The following ARHGAP26 variants were observed in gnomAD, a reference collection of about 807,000 sequenced individuals.
ARHGAP26 encodes Rho GTPase activating protein 26, also known as rho GTPase-activating protein 26.
A neutral mutation model predicts 104.8 loss-of-function variants in ARHGAP26; 38 were observed. The observed-to-expected ratio is 0.36, with a 90% CI of 0.28 to 0.48. ARHGAP26 has a LOEUF of 0.48. Ranked by LOEUF, ARHGAP26 falls within the 20% of genes least tolerant of loss-of-function variation. The pLI is 0.99. For synonymous variants in ARHGAP26, 341 were observed against 340.0 expected (o/e 1.00, Z -0.03); for missense variants, 704 against 947.9 (o/e 0.74, Z 3.38).
At chr5:143,006,500 A>T (rs1436015143) in intron 11 of ARHGAP26, among the ~76,000 whole-genome samples, 1 of 152,044 alleles carries the variant, frequency 6.6e-6, no homozygotes, top group African/African-American at 2.4e-5. Context: ...GCCATCAACT[A>T]TATTTTTATT....
intron 20 of ARHGAP26, 46 bp downstream of exon 20, chr5:143,147,427 C>G (rs1562507306): frequency 6.3e-7 from 1 of 1,582,678 alleles, no homozygotes; most frequent in African/African-American, 1.4e-5. Context: ...CTTTGGTCAG[C>G]CATTCCACCT....
At chr5:142,854,384 G>C (rs1597919529) in intron 1 of ARHGAP26, among the ~76,000 whole-genome samples, 1 of 152,164 alleles carries the variant, frequency 6.6e-6, no homozygotes, top group East Asian at 1.9e-4. Context: ...AGTGTTTATA[G>C]TGTGTATTTG....
chr5:142,953,485 C>T (rs1768715479), intron 11 of ARHGAP26, among the ~76,000 whole-genome samples: 1 of 152,148 alleles, frequency 6.6e-6, no homozygotes, highest in East Asian at 1.9e-4. Context: ...TGTGGTCCAT[C>T]GTAGCTGGAG....
chr5:143,048,573 T>C (rs1784543999), intron 14 of ARHGAP26, among the ~76,000 whole-genome samples: 2 of 152,006 alleles, frequency 1.3e-5, no homozygotes, highest in South Asian at 2.1e-4. Context: ...TTTTAAATTT[T>C]TATGATGTCC....
At chr5:142,870,421 G>A (rs1182632980) in intron 1 of ARHGAP26, among the ~76,000 whole-genome samples, 6 of 152,144 alleles carry the variant, frequency 3.9e-5, no homozygotes, top group African/African-American at 1.4e-4. Flanking sequence ...AACATAGAGG[G>A]TTTACCTTAA....
chr5:142,878,433 A>T (rs1011602834), intron 3 of ARHGAP26, among the ~76,000 whole-genome samples: 7 of 152,154 alleles, frequency 4.6e-5, no homozygotes, highest in African/African-American at 1.7e-4. Context: ...TTAGTCGTTC[A>T]AATATGTTTG....
At chr5:142,989,672 A>G (rs1030193232) in intron 11 of ARHGAP26, among the ~76,000 whole-genome samples, 4 of 152,096 alleles carry the variant, frequency 2.6e-5, no homozygotes, top group South Asian at 2.1e-4. Flanking sequence ...ATCTCTCAGC[A>G]TTTGCTTGTC....
intron 4 of ARHGAP26, among the ~76,000 whole-genome samples, chr5:142,884,122 G>A (rs78342603): frequency 5.3e-5 from 8 of 152,314 alleles, no homozygotes; most frequent in African/African-American, 1.4e-4. Flanking sequence ...ATTTGATCCC[G>A]TTTATCAGCC....
At chr5:142,908,965 T>A (rs1761480934) in intron 9 of ARHGAP26, 1 of 165,470 alleles carries the variant, frequency 6.0e-6, no homozygotes, top group African/African-American at 2.4e-5. Context: ...CTCCTATGCT[T>A]TATTTTCTTC....
intron 17 of ARHGAP26, among the ~76,000 whole-genome samples, chr5:143,087,950 A>G (rs894892488): frequency 3.3e-4 from 50 of 152,228 alleles, no homozygotes; most frequent in African/African-American, 1.1e-3. Context: ...CGCCTGGCCT[A>G]TCCTGGCCCA....
At chr5:142,893,942 T>G (rs191135581) in intron 5 of ARHGAP26, among the ~76,000 whole-genome samples, 1,841 of 131,132 alleles carry the variant, frequency 0.014, 36 homozygotes, top group African/African-American at 0.049. Flanking sequence ...TATTTGTGGG[T>G]TTTTTTTTTT....
intron 1 of ARHGAP26, among the ~76,000 whole-genome samples, chr5:142,793,407 T>C (rs940278243): frequency 6.6e-6 from 1 of 151,614 alleles, no homozygotes; most frequent in Non-Finnish European, 1.5e-5. Context: ...GATCACTTGG[T>C]GTTAAATTAG....
chr5:143,228,127 C>A lies in ARHGAP26; in HGVS notation c.*5681C>A. Reference sequence around the variant, plus strand: ...GACATTCTATACTGTTCTACGTCAACCATTTCTACAAAGTTGTCCAGACAC... The same window carrying A: ...GACATTCTATACTGTTCTACGTCAAACATTTCTACAAAGTTGTCCAGACAC... On this transcript the variant is annotated 3_prime_UTR_variant, in exon 23 of 23. Transcript: ENST00000645722. 4.4e-6 allele frequency: 1 copy of A among 225,508 alleles called. No homozygotes were observed. Among genetic ancestry groups the A allele is most frequent in the Non-Finnish European group, 8.8e-6 (1 of 113,218 alleles). The allele number at this position is 225,508 out of a possible 1,614,324, so 14.0% of individuals were successfully genotyped here.
At chr5:143,174,516 T>C (rs1466218821) in intron 20 of ARHGAP26, among the ~76,000 whole-genome samples, 2 of 152,214 alleles carry the variant, frequency 1.3e-5, no homozygotes, top group Non-Finnish European at 1.5e-5. Flanking sequence ...AAGAGTTATT[T>C]TTCCTGTCTA....
intron 12 of ARHGAP26, among the ~76,000 whole-genome samples, chr5:143,023,457 T>C (rs563870168): frequency 6.6e-6 from 1 of 152,270 alleles, no homozygotes; most frequent in African/African-American, 2.4e-5. Flanking sequence ...AAAAGACATC[T>C]AAAGCCTTCA....
intron 22 of ARHGAP26, among the ~76,000 whole-genome samples, chr5:143,221,494 G>A (rs1045800938): frequency 4.0e-5 from 6 of 151,574 alleles, no homozygotes; most frequent in African/African-American, 1.2e-4. Context: ...GGATTTGAAG[G>A]AAAGTAAGAT....
rs3822391 is a variant in ARHGAP26 at position 143,074,380 on chromosome 5, G to T, written c.1538+16633G>T. On this transcript the variant is annotated intron_variant, in intron 17 of 22. Coordinates refer to ENST00000645722, the MANE Select transcript of ARHGAP26 (RefSeq NM_001135608.3). ...TCCTTCATCTATTTCAGTCTGTCTG[G>T]TATCCTGGCCTTTTTCCATTAATCT... Among the ~76,000 whole-genome samples, 3,969 of 152,128 alleles carry T rather than the reference G, an allele frequency of 0.026. 751 individuals are homozygous for T. In the East Asian group the frequency reaches 0.52, roughly 20 times the overall value.
intron 5 of ARHGAP26, among the ~76,000 whole-genome samples, chr5:142,887,999 C>CA (rs1365649637): frequency 2.0e-5 from 3 of 151,798 alleles, no homozygotes; most frequent in African/African-American, 4.8e-5. Flanking sequence ...AAAAAACAAA[C>CA]AAAAAAAAGA....
At chr5:142,878,914 A>G (rs1451066620) in intron 3 of ARHGAP26, among the ~76,000 whole-genome samples, 3 of 152,242 alleles carry the variant, frequency 2.0e-5, no homozygotes, top group Middle Eastern at 3.4e-3. Flanking sequence ...GAGCAACACA[A>G]AATCAAGCTT....
Sources: gnomAD v4.1 joint callset for allele counts (sites outside exome capture counted in the v4.1 genomes callset) on GRCh38, gnomAD v4.1.1 for gene constraint, MANE v1.5 for transcripts, NCBI Gene and HGNC (gene_info 2026-07-23, HGNC 2026-07-21) for gene names.